Variants in COL5A2 observed in about 807,000 individuals in gnomAD.
COL5A2 encodes the protein collagen type V alpha 2 chain, also known as collagen alpha-2(V) chain.
In COL5A2, 23 loss-of-function variants were observed where a neutral mutation model predicts 208.2. The observed-to-expected ratio is 0.11, with a 90% CI of 0.08 to 0.16. COL5A2 has a LOEUF of 0.16. Ranked by LOEUF, COL5A2 falls within the 10% of genes least tolerant of loss-of-function variation. The probability of loss-of-function intolerance (pLI) is 1.00; values close to 1 mark genes in which losing one functional copy is unlikely to be tolerated. For missense variants in COL5A2, 1,590 were observed against 1,956.4 expected (o/e 0.81, Z 3.53); for synonymous variants, 625 against 628.5 (o/e 0.99, Z 0.08).
chr2:189,137,361 CTCATGT>C (rs1687846501), intron 1 of COL5A2, among the ~76,000 whole-genome samples: 1 of 152,160 alleles, frequency 6.6e-6, no homozygotes, highest in Admixed American at 6.5e-5. Flanking sequence ...TCTGTATTGG[CTCATGT>C]TACTTGATGA....
At chr2:189,427,651 G>C in the COL5A2 span, among the ~76,000 whole-genome samples, 1 of 152,332 alleles carries the variant, frequency 6.6e-6, no homozygotes, top group South Asian at 2.1e-4. Context: ...AAGCCACAGG[G>C]ACAGAGCTTC....
chr2:189,291,089 T>C, the COL5A2 span, among the ~76,000 whole-genome samples: 1 of 152,118 alleles, frequency 6.6e-6, no homozygotes, highest in Non-Finnish European at 1.5e-5. Flanking sequence ...TAAGAATATT[T>C]AACTAATACA....
chr2:189,170,988 G>C (rs1688562768), intron 1 of COL5A2, among the ~76,000 whole-genome samples: 1 of 152,156 alleles, frequency 6.6e-6, no homozygotes, highest in Non-Finnish European at 1.5e-5. Flanking sequence ...TATTGTTCCT[G>C]CATGGCAGAG....
the COL5A2 span, among the ~76,000 whole-genome samples, chr2:189,237,466 G>T: frequency 6.6e-6 from 1 of 151,392 alleles, no homozygotes; most frequent in East Asian, 1.9e-4. Context: ...GGTAAAAAAA[G>T]ATTTTCTTAA....
the COL5A2 span, among the ~76,000 whole-genome samples, chr2:189,389,979 C>T: frequency 6.6e-6 from 1 of 152,094 alleles, no homozygotes; most frequent in African/African-American, 2.4e-5. Context: ...CACTGTGAAG[C>T]ATTTTGTGAA....
intron 17 of COL5A2, among the ~76,000 whole-genome samples, chr2:189,072,782 A>AAC (rs1686305365): frequency 6.6e-6 from 1 of 151,778 alleles, no homozygotes; most frequent in South Asian, 2.1e-4. Flanking sequence ...AAAAAAAAAA[A>AAC]AAAACCATCT....
chr2:189,031,998 C>A lies in COL5A2; in HGVS notation c.*2072G>T, dbSNP rs557124993. 2.6e-5 allele frequency: 4 copies of A among 152,172 alleles called. No homozygotes were observed. The highest frequency in any genetic ancestry group is 6.6e-5 in the Admixed American group (1 of 15,266). 9.4% of individuals were successfully genotyped at this position (152,172 alleles called of 1,614,324 possible). On this transcript the variant is annotated 3_prime_UTR_variant, in exon 54 of 54. Coordinates refer to ENST00000374866, the MANE Select transcript of COL5A2 (RefSeq NM_000393.5). ...TAGTGTTTGTGACTTAATAGTATTA[C>A]CACATATTTCTGATTCATCTATATG...
intron 1 of COL5A2, among the ~76,000 whole-genome samples, chr2:189,192,163 G>A (rs950932884): frequency 5.3e-5 from 8 of 152,034 alleles, no homozygotes; most frequent in Non-Finnish European, 1.2e-4. Flanking sequence ...AATCTGTGAG[G>A]GTTAACCAGA....
At chr2:189,107,006 A>C (rs1687164150) in intron 2 of COL5A2, among the ~76,000 whole-genome samples, 1 of 151,552 alleles carries the variant, frequency 6.6e-6, no homozygotes, top group Non-Finnish European at 1.5e-5. Context: ...AAAAAAATTT[A>C]TGAGATCAGT....
chr2:189,077,512 A>G (rs984392716), intron 16 of COL5A2, among the ~76,000 whole-genome samples: 3 of 152,354 alleles, frequency 2.0e-5, no homozygotes, highest in East Asian at 1.9e-4. Context: ...GCAATAGCCA[A>G]TGCTGGGGCA....
At chr2:189,247,651 C>T in the COL5A2 span, among the ~76,000 whole-genome samples, 1 of 150,920 alleles carries the variant, frequency 6.6e-6, no homozygotes, top group Non-Finnish European at 1.5e-5. Flanking sequence ...ATGATCTCAG[C>T]TCACTGCAAC....
At chr2:189,236,834 AATG>A in the COL5A2 span, among the ~76,000 whole-genome samples, 5 of 151,970 alleles carry the variant, frequency 3.3e-5, no homozygotes, top group African/African-American at 4.8e-5. Context: ...TCACTCTTTT[AATG>A]ATAACTTATG....
At chr2:189,076,609 A>T (rs528786579) in intron 16 of COL5A2, among the ~76,000 whole-genome samples, 9 of 152,316 alleles carry the variant, frequency 5.9e-5, no homozygotes, top group African/African-American at 2.2e-4. Context: ...TCTCATCTGC[A>T]ACCAGAGAGA....
intron 1 of COL5A2, among the ~76,000 whole-genome samples, chr2:189,140,854 T>C (rs922211413): frequency 3.9e-5 from 6 of 152,178 alleles, no homozygotes; most frequent in African/African-American, 1.2e-4. Flanking sequence ...ATAATTCTTA[T>C]TGCAAGTGAA....
At chr2:189,171,044 T>A (rs1195404632) in intron 1 of COL5A2, among the ~76,000 whole-genome samples, 1 of 151,890 alleles carries the variant, frequency 6.6e-6, no homozygotes, top group Non-Finnish European at 1.5e-5. Context: ...TTAGCTCAAC[T>A]AATGAGAGAA....
At chr2:189,107,375 T>C (rs1687171620) in intron 2 of COL5A2, among the ~76,000 whole-genome samples, 1 of 151,612 alleles carries the variant, frequency 6.6e-6, no homozygotes, top group Non-Finnish European at 1.5e-5. Flanking sequence ...AAGGGACCTC[T>C]TAATGATTCT....
chr2:189,096,482 C>T (rs928824450), intron 6 of COL5A2, among the ~76,000 whole-genome samples: 3 of 151,770 alleles, frequency 2.0e-5, no homozygotes, highest in African/African-American at 7.3e-5. Context: ...ATTAGCTGGG[C>T]ATGGTGGCGG....
chr2:189,129,192 A>G (rs1272738973), intron 1 of COL5A2, among the ~76,000 whole-genome samples: 3 of 152,028 alleles, frequency 2.0e-5, no homozygotes, highest in Non-Finnish European at 2.9e-5. Context: ...CTTAACAAGA[A>G]AAAACAACTA....
chr2:189,061,485 G>T, intron 30 of COL5A2, 77 bp downstream of exon 30: 3 of 1,071,486 alleles, frequency 2.8e-6, no homozygotes, highest in South Asian at 2.6e-5. Context: ...CAAATCTTCT[G>T]ACCATATCTT....
Sources: gnomAD v4.1 joint callset for allele counts (sites outside exome capture counted in the v4.1 genomes callset) on GRCh38, gnomAD v4.1.1 for gene constraint, MANE v1.5 for transcripts, NCBI Gene and HGNC (gene_info 2026-07-23, HGNC 2026-07-21) for gene names.